The following STXBP5L variants were observed in gnomAD, a reference collection of about 807,000 sequenced individuals.
The protein encoded by STXBP5L is syntaxin-binding protein 5-like.
Under a neutral mutation model 144.5 loss-of-function variants are expected in STXBP5L, and 65 were observed. The observed-to-expected ratio is 0.45, with a 90% CI of 0.37 to 0.55. The LOEUF (loss-of-function observed/expected upper bound fraction) is 0.55, where lower values mean the gene tolerates loss of function less well. Ranked by LOEUF, STXBP5L falls within the 20% of genes least tolerant of loss-of-function variation. STXBP5L has a pLI of 0.00. For missense variants in STXBP5L, 1,298 were observed against 1,405.5 expected (o/e 0.92, Z 1.22); for synonymous variants, 505 against 469.6 (o/e 1.08, Z -0.97).
At chr3:121,059,622 C>T (rs758531496) in intron 5 of STXBP5L, among the ~76,000 whole-genome samples, 14 of 152,118 alleles carry the variant, frequency 9.2e-5, no homozygotes, top group Non-Finnish European at 2.1e-4. Context: ...GAATGTTTTT[C>T]CGTTTGTTTG....
chr3:121,193,835 CA>C (rs1189422778), intron 9 of STXBP5L, among the ~76,000 whole-genome samples: 2 of 151,830 alleles, frequency 1.3e-5, no homozygotes, highest in African/African-American at 2.4e-5. Flanking sequence ...GGGTAGGGGT[CA>C]GGGGGAGGGA....
chr3:121,044,582 G>A (rs1424949169), intron 4 of STXBP5L, among the ~76,000 whole-genome samples: 1 of 152,130 alleles, frequency 6.6e-6, no homozygotes. Context: ...CACATTTAAT[G>A]CTCTGGATTT....
intron 18 of STXBP5L, among the ~76,000 whole-genome samples, chr3:121,276,178 A>C (rs1031326981): frequency 3.3e-5 from 2 of 59,732 alleles, no homozygotes; most frequent in African/African-American, 1.1e-4. Context: ...TACTTCTTTT[A>C]GTTTTTTGTT....
intron 9 of STXBP5L, among the ~76,000 whole-genome samples, chr3:121,169,996 C>T (rs1449604968): frequency 6.6e-6 from 1 of 152,164 alleles, no homozygotes; most frequent in Non-Finnish European, 1.5e-5. Flanking sequence ...AACAAACAGT[C>T]TCTCAGACCA....
At chr3:121,000,856 C>T (rs956355370) in intron 3 of STXBP5L, among the ~76,000 whole-genome samples, 3 of 152,144 alleles carry the variant, frequency 2.0e-5, no homozygotes, top group African/African-American at 7.2e-5. Flanking sequence ...TGACTGGCTT[C>T]ATTTCTGGAT....
intron 7 of STXBP5L, among the ~76,000 whole-genome samples, chr3:121,142,876 A>G (rs911904179): frequency 6.6e-6 from 1 of 151,884 alleles, no homozygotes; most frequent in Non-Finnish European, 1.5e-5. Context: ...GAAGGAAGGA[A>G]ATAAACATTA....
intron 3 of STXBP5L, among the ~76,000 whole-genome samples, chr3:121,010,973 C>T (rs952767974): frequency 6.7e-6 from 1 of 150,184 alleles, no homozygotes; most frequent in Admixed American, 6.7e-5. Context: ...GTTCAAGGGC[C>T]GATTGTACTT....
At chr3:121,401,885 A>G (rs962443056) in intron 22 of STXBP5L, among the ~76,000 whole-genome samples, 1 of 75,002 alleles carries the variant, frequency 1.3e-5, no homozygotes, top group Non-Finnish European at 2.6e-5. Context: ...CCTAAAACTT[A>G]GAGTATAATA....
intron 20 of STXBP5L, among the ~76,000 whole-genome samples, chr3:121,345,550 T>G (rs2044926094): frequency 6.6e-6 from 1 of 152,072 alleles, no homozygotes; most frequent in South Asian, 2.1e-4. Flanking sequence ...GGTCAAATGG[T>G]ATTTCTAGTT....
At chr3:121,244,644 C>T (rs954953839) in intron 14 of STXBP5L, among the ~76,000 whole-genome samples, 3 of 151,810 alleles carry the variant, frequency 2.0e-5, no homozygotes, top group South Asian at 2.1e-4. Flanking sequence ...ATCAAACTGT[C>T]GAAAATCAAA....
chr3:121,322,270 G>T (rs2043996211), intron 20 of STXBP5L, among the ~76,000 whole-genome samples: 1 of 152,080 alleles, frequency 6.6e-6, no homozygotes, highest in Non-Finnish European at 1.5e-5. Flanking sequence ...CCTGAGGTTG[G>T]GGGTTTGAGA....
chr3:121,155,198 G>A (rs2046069272), intron 8 of STXBP5L, among the ~76,000 whole-genome samples: 1 of 151,820 alleles, frequency 6.6e-6, no homozygotes, highest in African/African-American at 2.4e-5. Context: ...TAAGGTCCTA[G>A]TGCTATCATT....
chr3:121,229,184 A>G (rs2049221195), intron 11 of STXBP5L, among the ~76,000 whole-genome samples: 1 of 152,142 alleles, frequency 6.6e-6, no homozygotes, highest in South Asian at 2.1e-4. Flanking sequence ...AAGATTTACC[A>G]TGCAAGACTA....
intron 2 of STXBP5L, among the ~76,000 whole-genome samples, chr3:120,939,967 T>A (rs186545957): frequency 4.6e-5 from 7 of 152,246 alleles, no homozygotes; most frequent in Non-Finnish European, 1.0e-4. Flanking sequence ...CTGAACTACG[T>A]CTCCTGACTT....
intron 3 of STXBP5L, among the ~76,000 whole-genome samples, chr3:121,027,101 A>G (rs917086612): frequency 1.3e-5 from 2 of 151,856 alleles, no homozygotes; most frequent in African/African-American, 4.8e-5. Context: ...GTATATATGT[A>G]TATATATATG....
intron 7 of STXBP5L, among the ~76,000 whole-genome samples, chr3:121,122,886 C>T (rs2107857241): frequency 6.6e-6 from 1 of 151,482 alleles, no homozygotes; most frequent in South Asian, 2.1e-4. Context: ...GTAATATTTC[C>T]TACATGTCAA....
chr3:121,121,490 T>C, intron 6 of STXBP5L, 151 bp from the exon 7 acceptor site: 2 of 476,750 alleles, frequency 4.2e-6, no homozygotes. Flanking sequence ...TTAGGACTGG[T>C]AAAGTAAATA....
At chr3:121,324,502 C>T (rs1012241737) in intron 20 of STXBP5L, 5 of 695,718 alleles carry the variant, frequency 7.2e-6, no homozygotes, top group African/African-American at 5.3e-5. Context: ...GGACTTGCTA[C>T]CAGAACCCCT....
At chr3:121,077,515 AG>A (rs908271394) in intron 5 of STXBP5L, among the ~76,000 whole-genome samples, 14 of 152,116 alleles carry the variant, frequency 9.2e-5, no homozygotes, top group Non-Finnish European at 1.9e-4. Flanking sequence ...GGACCCAAAG[AG>A]TGAGCAGCAG....
Sources: gnomAD v4.1 joint callset for allele counts (sites outside exome capture counted in the v4.1 genomes callset) on GRCh38, gnomAD v4.1.1 for gene constraint, MANE v1.5 for transcripts, NCBI Gene and HGNC (gene_info 2026-07-23, HGNC 2026-07-21) for gene names.